The following H3C2 variants were observed in gnomAD, a reference collection of about 807,000 sequenced individuals.
H3C2 encodes the protein histone H3.1.
In H3C2, 13 loss-of-function variants were observed where a neutral mutation model predicts 8.7. The ratio of observed to expected loss-of-function variants is 1.49; its 90% CI spans 0.97 to 2.37. H3C2 has a LOEUF of 2.37. Ranked by LOEUF, H3C2 falls within the 30% of genes most tolerant of loss-of-function variation. The pLI is 0.00. For synonymous variants in H3C2, 166 were observed against 77.6 expected (o/e 2.14, Z -5.99); for missense variants, 144 against 190.4 (o/e 0.76, Z 1.44).
At position 26,031,878 on chromosome 6, in the gene H3C2, C is replaced by T. The variant is rs1761464592; in HGVS notation, c.183G>A (p.Leu61=). 3 of 1,614,262 alleles carry T rather than the reference C, an allele frequency of 1.9e-6. No homozygotes were observed. The highest frequency in any genetic ancestry group is 2.5e-6 in the Non-Finnish European group (3 of 1,180,048). ...EIRRYQKSTE[L]LIRKLPFQRL... ...GCTGGAACGGCAGCTTCCGAATCAG[C>T]AACTCGGTCGACTTTTGGTAGCGGC... Residue 61 remains leucine, a synonymous_variant, in exon 1 of 1, where the codon TTG becomes TTA. Coordinates refer to ENST00000621411, the MANE Select transcript of H3C2 (RefSeq NM_003537.4).
Position 26,032,026 on chromosome 6 carries a change from G to C in H3C2, c.35C>G (p.Thr12Ser), listed in dbSNP as rs2113679054. The C allele has an allele frequency of 6.2e-7, 1 of 1,613,504 alleles. No homozygotes were observed. The highest frequency in any genetic ancestry group is 8.5e-7 in the Non-Finnish European group (1 of 1,179,998). ...CTGCTTGCGTGGCGCTTTACCGCCG[G>C]TGGATTTCCGAGCTGTCTGTTTAGT... ...ARTKQTARKS[T>S]GGKAPRKQLA... Residue 12 changes from threonine to serine, a missense_variant, in exon 1 of 1, where the codon ACC becomes AGC. Thr to Ser is a moderately conservative substitution (Grantham distance 58). Transcript: ENST00000621411.
chr6:26,031,836 G>T lies in H3C2; in HGVS notation c.225C>A (p.Ile75=), dbSNP rs1303065784. ...GAAGATCGGTCTTGAAGTCTTGGGC[G>T]ATTTCTCGCACCAGGCGCTGGAACG... The part of the protein sequence containing the change: ...KLPFQRLVRE[I]AQDFKTDLRF... The change falls in exon 1 of 1, where the codon ATC becomes ATA. Residue 75 remains isoleucine, a synonymous_variant. Coordinates refer to ENST00000621411, the MANE Select transcript of H3C2 (RefSeq NM_003537.4). 6.2e-7 allele frequency: 1 copy of T among 1,614,228 alleles called. No individual in the cohort carries two copies. The highest frequency in any genetic ancestry group is 8.5e-7 in the Non-Finnish European group (1 of 1,180,028).
rs748763448 is a variant in H3C2, at chr6:26,032,098, GT to G, written c.-39del. 1 of 1,568,308 alleles carries G rather than the reference GT, an allele frequency of 6.4e-7. No individual in the cohort carries two copies. Among genetic ancestry groups the G allele is most frequent in the Admixed American group, 2.0e-5 (1 of 50,944 alleles). ...GAAAAGCTTGCCTGCAGAGACGTCT[GT>G]GGAGGAAAGGAAAGAGCTACTCTTC... On this transcript the variant is annotated 5_prime_UTR_variant, in exon 1 of 1. Transcript: ENST00000621411.
At position 26,032,096 on chromosome 6, in the gene H3C2, C is replaced by CT. The variant is rs1761472127; in HGVS notation, c.-37dup. On this transcript the variant is annotated 5_prime_UTR_variant, in exon 1 of 1. Coordinates refer to ENST00000621411, the MANE Select transcript of H3C2 (RefSeq NM_003537.4). ...CAGAAAAGCTTGCCTGCAGAGACGT[C>CT]TGTGGAGGAAAGGAAAGAGCTACTC... is the stretch of plus-strand genomic sequence containing the variant. The CT allele has an allele frequency of 6.4e-7, 1 of 1,574,068 alleles. No individual in the cohort carries two copies. The highest frequency in any genetic ancestry group is 1.4e-5 in the African/African-American group (1 of 72,940).
rs1223521176 is a variant in H3C2, at chr6:26,031,950, T to C, written c.111A>G (p.Lys37=). 5 of 1,614,178 alleles carry C rather than the reference T, an allele frequency of 3.1e-6. 1 individual carries two copies. The highest frequency in any genetic ancestry group is 3.3e-5 in the Admixed American group (2 of 60,024). ...RKSAPATGGV[K]KPHRYRPGTV... is the part of the protein sequence containing the mutation. ...TGCCCGGGCGGTAACGGTGAGGCTT[T>C]TTCACGCCGCCGGTAGCCGGCGCGC... Residue 37 remains lysine (K), a synonymous_variant, in exon 1 of 1, where the codon AAA becomes AAG. Transcript: ENST00000621411.
At position 26,032,096 on chromosome 6, in the gene H3C2, C is replaced by T. The variant is rs142552261; in HGVS notation, c.-36G>A. On this transcript the variant is annotated 5_prime_UTR_variant, in exon 1 of 1. Transcript: ENST00000621411. ...CAGAAAAGCTTGCCTGCAGAGACGT[C>T]TGTGGAGGAAAGGAAAGAGCTACTC... 4.1e-4 allele frequency: 641 copies of T among 1,574,186 alleles called. 3 individuals carry two copies. The African/African-American group carries it at 6.7e-3, about 16-fold the overall frequency.
rs766906050 is a variant in H3C2, at chr6:26,031,737, T to C, written c.324A>G (p.Thr108=). The change falls in exon 1 of 1, where the codon ACA becomes ACG. Residue 108 remains threonine (T), a synonymous_variant. Coordinates refer to ENST00000621411, the MANE Select transcript of H3C2 (RefSeq NM_003537.4). ...EAYLVGLFED[T]NLCAIHAKRV... Reference sequence around the variant, plus strand: ...GCTTAGCATGGATGGCGCAAAGGTTTGTGTCCTCAAAGAGCCCTACCAAGT... The same window carrying C: ...GCTTAGCATGGATGGCGCAAAGGTTCGTGTCCTCAAAGAGCCCTACCAAGT... 4 of 1,614,250 alleles carry C rather than the reference T, an allele frequency of 2.5e-6. No homozygotes were observed. The South Asian group carries it at 4.4e-5, about 18-fold the overall frequency.
rs1561918839 is a variant in H3C2, at chr6:26,031,632, G to A, written c.*18C>T. 2 of 1,608,706 alleles carry A rather than the reference G, an allele frequency of 1.2e-6. No individual in the cohort carries two copies. The highest frequency in any genetic ancestry group is 1.1e-5 in the South Asian group (1 of 90,226). ...AGAGCCTTTGGGTTTTAAGACTGAT[G>A]AAAAAGTGACTTTACATTTACGCTC... On this transcript the variant is annotated 3_prime_UTR_variant, in exon 1 of 1. Transcript: ENST00000621411.
In H3C2 at chr6:26,031,773, A is replaced by G. The variant is rs1308250281; in HGVS notation, c.288T>C (p.Ala96=). 1 of 1,614,250 alleles carries G rather than the reference A, an allele frequency of 6.2e-7. No individual in the cohort carries two copies. Among genetic ancestry groups the G allele is most frequent in the Non-Finnish European group, 8.5e-7 (1 of 1,180,050 alleles). The change falls in exon 1 of 1, where the codon GCT becomes GCC. Residue 96 remains alanine (A), a synonymous_variant. Transcript: ENST00000621411. The part of the protein sequence containing the change: ...QSSAVMALQE[A]CEAYLVGLFE... ...AGAGCCCTACCAAGTAGGCCTCACA[A>G]GCCTCCTGCAGCGCCATCACCGCAG... is the stretch of plus-strand genomic sequence containing the variant.
chr6:26,031,630 ATGAAAAAGTGAC>A lies in H3C2; in HGVS notation c.*8_*19del. On this transcript the variant is annotated 3_prime_UTR_variant, in exon 1 of 1. Transcript: ENST00000621411. Reference sequence around the variant, plus strand: ...AAAGAGCCTTTGGGTTTTAAGACTGATGAAAAAGTGACTTTACATTTACGCTCTTTCTCCGCG... The same window carrying A: ...AAAGAGCCTTTGGGTTTTAAGACTGATTTACATTTACGCTCTTTCTCCGCG... 4.4e-6 allele frequency: 7 copies of A among 1,608,476 alleles called. No homozygotes were observed. The highest frequency in any genetic ancestry group is 5.9e-6 in the Non-Finnish European group (7 of 1,178,518).
rs1163499534 is a variant in H3C2 at position 26,031,965 on chromosome 6, A to G, written c.96T>C (p.Ala32=). The part of the protein sequence containing the change: ...ATKAARKSAP[A]TGGVKKPHRY... ...GGTGAGGCTTTTTCACGCCGCCGGT[A>G]GCCGGCGCGCTCTTGCGAGCAGCCT... The change falls in exon 1 of 1, where the codon GCT becomes GCC. Residue 32 remains alanine (A), a synonymous_variant. Transcript: ENST00000621411. 6.2e-7 allele frequency: 1 copy of G among 1,614,202 alleles called. No individual in the cohort carries two copies. The highest frequency in any genetic ancestry group is 8.5e-7 in the Non-Finnish European group (1 of 1,180,032).
Position 26,031,640 on chromosome 6 carries a change from G to A in H3C2, c.*10C>T, listed in dbSNP as rs2213284. ...TGGGTTTTAAGACTGATGAAAAAGT[G>A]ACTTTACATTTACGCTCTTTCTCCG... On this transcript the variant is annotated 3_prime_UTR_variant, in exon 1 of 1. Transcript: ENST00000621411. 0.71 allele frequency: 1,139,690 copies of A among 1,609,084 alleles called. 407,089 individuals carry two copies. Among genetic ancestry groups the A allele is most frequent in the African/African-American group, 0.92 (68,556 of 74,590 alleles).
Position 26,031,770 on chromosome 6 carries a change from A to G in H3C2, c.291T>C (p.Cys97=), listed in dbSNP as rs1368440999. The change falls in exon 1 of 1, where the codon TGT becomes TGC. Residue 97 remains cysteine (C), a synonymous_variant. Transcript: ENST00000621411. ...SSAVMALQEA[C]EAYLVGLFED... is the part of the protein sequence containing the mutation. Reference sequence around the variant, plus strand: ...CAAAGAGCCCTACCAAGTAGGCCTCACAAGCCTCCTGCAGCGCCATCACCG... The same window carrying G: ...CAAAGAGCCCTACCAAGTAGGCCTCGCAAGCCTCCTGCAGCGCCATCACCG... The G allele has an allele frequency of 2.5e-6, 4 of 1,614,250 alleles. No individual in the cohort carries two copies. Among genetic ancestry groups the G allele is most frequent in the South Asian group, 2.2e-5 (2 of 91,092 alleles).
rs1332939009 is a variant in H3C2 at position 26,031,970 on chromosome 6, G to A, written c.91C>T (p.Pro31Ser). The part of the protein sequence containing the change: ...LATKAARKSA[P>S]ATGGVKKPHR... ...GGCTTTTTCACGCCGCCGGTAGCCG[G>A]CGCGCTCTTGCGAGCAGCCTTGGTA... Residue 31 changes from proline to serine, a missense_variant, in exon 1 of 1, where the codon CCG becomes TCG. By Grantham distance (74) the Pro-to-Ser change is moderately conservative (BLOSUM62 -1). Transcript: ENST00000621411. 1 of 1,614,184 alleles carries A rather than the reference G, an allele frequency of 6.2e-7. No homozygotes were observed. Among genetic ancestry groups the A allele is most frequent in the South Asian group, 1.1e-5 (1 of 91,088 alleles).
In H3C2 at chr6:26,031,962, G is replaced by T. The variant is rs373003967; in HGVS notation, c.99C>A (p.Thr33=). 1.2e-6 allele frequency: 2 copies of T among 1,614,062 alleles called. No homozygotes were observed. The highest frequency in any genetic ancestry group is 1.3e-5 in the African/African-American group (1 of 74,956). The stretch of plus-strand genomic sequence containing the variant: ...AACGGTGAGGCTTTTTCACGCCGCC[G>T]GTAGCCGGCGCGCTCTTGCGAGCAG... ...TKAARKSAPA[T]GGVKKPHRYR... The change falls in exon 1 of 1, where the codon ACC becomes ACA. Residue 33 remains threonine (T), a synonymous_variant. Transcript: ENST00000621411.
chr6:26,031,604 A>G lies in H3C2; in HGVS notation c.*46T>C, dbSNP rs1164392459. 6.3e-7 allele frequency: 1 copy of G among 1,582,204 alleles called. No homozygotes were observed. The highest frequency in any genetic ancestry group is 8.6e-7 in the Non-Finnish European group (1 of 1,163,384). On this transcript the variant is annotated 3_prime_UTR_variant, in exon 1 of 1. Transcript: ENST00000621411. The stretch of plus-strand genomic sequence containing the variant: ...TCGTTGGAATAAGTGGGTGGCTCTG[A>G]AAAGAGCCTTTGGGTTTTAAGACTG...
rs1410158517 is a variant in H3C2 at position 26,032,094 on chromosome 6, G to A, written c.-34C>T. 24 of 1,572,622 alleles carry A rather than the reference G, an allele frequency of 1.5e-5. No individual in the cohort carries two copies. Among genetic ancestry groups the A allele is most frequent in the East Asian group, 4.5e-5 (2 of 44,660 alleles). Reference sequence around the variant, plus strand: ...CACAGAAAAGCTTGCCTGCAGAGACGTCTGTGGAGGAAAGGAAAGAGCTAC... The same window carrying A: ...CACAGAAAAGCTTGCCTGCAGAGACATCTGTGGAGGAAAGGAAAGAGCTAC... On this transcript the variant is annotated 5_prime_UTR_variant, in exon 1 of 1. The change creates a new upstream start codon in the 5' untranslated region. Transcript: ENST00000621411.
chr6:26,031,944 A>C lies in H3C2; in HGVS notation c.117T>G (p.Pro39=). The C allele has an allele frequency of 6.2e-7, 1 of 1,614,206 alleles. No individual in the cohort carries two copies. Among genetic ancestry groups the C allele is most frequent in the Non-Finnish European group, 8.5e-7 (1 of 1,180,038 alleles). The change falls in exon 1 of 1, where the codon CCT becomes CCG. Residue 39 remains proline (P), a synonymous_variant. Coordinates refer to ENST00000621411, the MANE Select transcript of H3C2 (RefSeq NM_003537.4). ...CCACAGTGCCCGGGCGGTAACGGTGAGGCTTTTTCACGCCGCCGGTAGCCG... is the reference window on the plus strand; with the variant it reads ...CCACAGTGCCCGGGCGGTAACGGTGCGGCTTTTTCACGCCGCCGGTAGCCG... ...SAPATGGVKK[P]HRYRPGTVAL...
Position 26,031,655 on chromosome 6 carries a change from C to A in H3C2, c.406G>T (p.Ala136Ser), listed in dbSNP as rs1389317949. The change falls in exon 1 of 1, where the codon GCG (alanine) becomes TCG (serine). Residue 136 changes from alanine to serine, a missense_variant. Transcript: ENST00000621411. ...ATGAAAAAGTGACTTTACATTTACG[C>A]TCTTTCTCCGCGAATGCGGCGAGCG... is the stretch of plus-strand genomic sequence containing the variant. ...QLARRIRGER[A>S] is the part of the protein sequence containing the mutation. 1 of 1,613,240 alleles carries A rather than the reference C, an allele frequency of 6.2e-7. No individual in the cohort carries two copies. The highest frequency in any genetic ancestry group is 8.5e-7 in the Non-Finnish European group (1 of 1,179,798).
Sources: gnomAD v4.1 joint callset for allele counts on GRCh38, gnomAD v4.1.1 for gene constraint, MANE v1.5 for transcripts, NCBI Gene and HGNC (gene_info 2026-07-23, HGNC 2026-07-21) for gene names.